NTNG1: variants seen among roughly 807,000 people sequenced by gnomAD.
NTNG1 encodes the protein netrin G1, also known as netrin-G1.
In NTNG1, 16 loss-of-function variants were observed where a neutral mutation model predicts 54.0. The ratio of observed to expected loss-of-function variants is 0.30; its 90% confidence interval spans 0.20 to 0.45. NTNG1 has a LOEUF of 0.45. Among genes scored for constraint, NTNG1 ranks in the 20% least tolerant of loss-of-function variants. NTNG1 has a pLI of 1.00. For missense variants in NTNG1, 530 were observed against 678.7 expected, an observed-to-expected ratio of 0.78 and a Z score of 2.43; for synonymous variants, 255 against 263.1, an observed-to-expected ratio of 0.97 and a Z score of 0.30.
intron 3 of NTNG1, among the ~76,000 whole-genome samples, chr1:107,359,082 T>C (rs1209689617): frequency 1.3e-5 from 2 of 152,172 alleles, no homozygotes; most frequent in Non-Finnish European, 2.9e-5. Flanking sequence ...ACACAGGAAA[T>C]TGCAGCTCCT....
chr1:107,265,046 T>G (rs995477192), intron 2 of NTNG1, among the ~76,000 whole-genome samples: 1 of 152,190 alleles, frequency 6.6e-6, no homozygotes, highest in African/African-American at 2.4e-5. Flanking sequence ...AAGTATTTAT[T>G]GAATGAATGA....
chr1:107,225,282 C>A (rs1009147630), intron 2 of NTNG1, among the ~76,000 whole-genome samples: 1 of 151,880 alleles, frequency 6.6e-6, no homozygotes, highest in African/African-American at 2.4e-5. Context: ...GATTAGCAGA[C>A]ATCAAAATCC....
intron 7 of NTNG1, among the ~76,000 whole-genome samples, chr1:107,469,097 CAAAAAAA>C (rs35394442): frequency 1.7e-5 from 2 of 115,640 alleles, no homozygotes; most frequent in African/African-American, 6.8e-5. Context: ...AACTCCATTT[CAAAAAAA>C]AAAAAAAAAA....
chr1:107,372,306 G>A (rs939433487), intron 3 of NTNG1, among the ~76,000 whole-genome samples: 4 of 151,784 alleles, frequency 2.6e-5, no homozygotes, highest in African/African-American at 9.7e-5. Flanking sequence ...TAATAATATT[G>A]GAATTTAGTG....
intron 3 of NTNG1, among the ~76,000 whole-genome samples, chr1:107,393,105 G>A (rs978309826): frequency 9.9e-5 from 15 of 152,118 alleles, no homozygotes; most frequent in African/African-American, 3.4e-4. Flanking sequence ...GAAATTGCCT[G>A]TAACTCAGAG....
intron 3 of NTNG1, among the ~76,000 whole-genome samples, chr1:107,384,693 C>T (rs1427871505): frequency 1.3e-5 from 2 of 152,194 alleles, no homozygotes; most frequent in Non-Finnish European, 2.9e-5. Context: ...AGCTCAAGAA[C>T]TCTATGGAAA....
At chr1:107,411,193 A>AC (rs34826287) in intron 5 of NTNG1, among the ~76,000 whole-genome samples, 142,620 of 152,152 alleles carry the variant, frequency 0.94, 67,329 homozygotes, top group Non-Finnish European at 0.99. Flanking sequence ...CCTGTCCCCC[A>AC]CCCTAACTTA....
intron 2 of NTNG1, among the ~76,000 whole-genome samples, chr1:107,290,316 A>T (rs1003741540): frequency 2.0e-5 from 3 of 152,194 alleles, no homozygotes; most frequent in Admixed American, 6.6e-5. Context: ...CCTTCAAGCC[A>T]AGTTTATTTT....
At chr1:107,204,820 C>T (rs1294920616) in intron 2 of NTNG1, among the ~76,000 whole-genome samples, 1 of 152,064 alleles carries the variant, frequency 6.6e-6, no homozygotes, top group East Asian at 1.9e-4. Context: ...CTGTACATAC[C>T]CTTCTTGACT....
At chr1:107,347,214 G>A (rs901634415) in intron 3 of NTNG1, among the ~76,000 whole-genome samples, 1 of 152,120 alleles carries the variant, frequency 6.6e-6, no homozygotes, top group Non-Finnish European at 1.5e-5. Context: ...AGTAAAGTGA[G>A]AATAATGACT....
chr1:107,434,960 A>G (rs1213560076), intron 6 of NTNG1, among the ~76,000 whole-genome samples: 2 of 151,884 alleles, frequency 1.3e-5, no homozygotes, highest in South Asian at 2.1e-4. Context: ...ACTTACCCAC[A>G]TTTTCCTATG....
intron 3 of NTNG1, among the ~76,000 whole-genome samples, chr1:107,371,671 C>A (rs557543778): frequency 6.6e-6 from 1 of 151,770 alleles, no homozygotes; most frequent in Admixed American, 6.6e-5. Context: ...GTGAATTCTA[C>A]GAAACATTTA....
At chr1:107,249,309 C>G (rs1218804260) in intron 2 of NTNG1, among the ~76,000 whole-genome samples, 1 of 151,430 alleles carries the variant, frequency 6.6e-6, no homozygotes, top group Non-Finnish European at 1.5e-5. Flanking sequence ...ATGGAGAAAC[C>G]CCATCTCTAC....
intron 7 of NTNG1, among the ~76,000 whole-genome samples, chr1:107,443,516 G>C (rs1019999544): frequency 1.3e-5 from 2 of 152,036 alleles, no homozygotes; most frequent in African/African-American, 2.4e-5. Context: ...TACCTCCCTG[G>C]ACAAATATCT....
intron 2 of NTNG1, among the ~76,000 whole-genome samples, chr1:107,168,044 A>G (rs1175911232): frequency 6.6e-6 from 1 of 152,056 alleles, no homozygotes; most frequent in Non-Finnish European, 1.5e-5. Context: ...CTCTGAAGGA[A>G]AAACACCCTG....
chr1:107,365,545 A>G (rs1326585782), intron 3 of NTNG1, among the ~76,000 whole-genome samples: 5 of 152,206 alleles, frequency 3.3e-5, no homozygotes, highest in Non-Finnish European at 7.3e-5. Context: ...TATATATGCA[A>G]TTTTACAGTC....
Position 107,481,695 on chromosome 1 carries a change from T to C in NTNG1, c.*855T>C, listed in dbSNP as rs924126240. On this transcript the variant is annotated 3_prime_UTR_variant, in exon 8 of 8. Coordinates refer to ENST00000370068, the MANE Select transcript of NTNG1 (RefSeq NM_001113226.3). ...TCTTTCGTTCTGTTTTGTTTCACTG[T>C]GCAGAGATTTCTCTGTAAGGGCAAC... The C allele has an allele frequency of 1.3e-5, 2 of 152,638 alleles. No individual in the cohort carries two copies. Among genetic ancestry groups the C allele is most frequent in the African/African-American group, 4.8e-5 (2 of 41,444 alleles). 9.5% of individuals were successfully genotyped at this position (152,638 alleles called of 1,614,324 possible).
At chr1:107,399,322 G>A (rs533860419) in intron 4 of NTNG1, among the ~76,000 whole-genome samples, 7 of 152,260 alleles carry the variant, frequency 4.6e-5, no homozygotes, top group African/African-American at 1.7e-4. Flanking sequence ...ACAGAAAACT[G>A]AGCAAGTTCA....
intron 2 of NTNG1, among the ~76,000 whole-genome samples, chr1:107,154,840 T>A (rs1654858659): frequency 6.6e-6 from 1 of 151,986 alleles, no homozygotes; most frequent in Non-Finnish European, 1.5e-5. Context: ...TACCAGACTA[T>A]GTTGAGTAAA....
Sources: gnomAD v4.1 joint callset for allele counts (sites outside exome capture counted in the v4.1 genomes callset) on GRCh38, gnomAD v4.1.1 for gene constraint, MANE v1.5 for transcripts, NCBI Gene and HGNC (gene_info 2026-07-23, HGNC 2026-07-21) for gene names.